FNDC3B: variants seen among roughly 807,000 people sequenced by gnomAD.
The protein encoded by FNDC3B is fibronectin type III domain containing 3B.
FNDC3B carries 12 observed loss-of-function variants against 151.5 expected under a neutral mutation model. The ratio of observed to expected loss-of-function variants is 0.08; its 90% CI spans 0.05 to 0.13. The LOEUF (loss-of-function observed/expected upper bound fraction) is 0.13. Among genes scored for constraint, FNDC3B ranks in the 10% least tolerant of loss-of-function variants. The pLI, the probability that FNDC3B is intolerant of heterozygous loss-of-function variation, is 1.00. For synonymous variants in FNDC3B, 528 were observed against 549.0 expected (o/e 0.96, Z 0.54); for missense variants, 1,214 against 1,505.3 (o/e 0.81, Z 3.20).
At chr3:172,191,073 G>A (rs960551525) in intron 3 of FNDC3B, among the ~76,000 whole-genome samples, 5 of 152,136 alleles carry the variant, frequency 3.3e-5, no homozygotes, top group African/African-American at 1.2e-4. Context: ...TATATAAATA[G>A]ATGAGACTGT....
At chr3:172,233,218 G>C (rs1273963774) in intron 4 of FNDC3B, among the ~76,000 whole-genome samples, 1 of 152,206 alleles carries the variant, frequency 6.6e-6, no homozygotes. Flanking sequence ...AAAAGCATAT[G>C]AAGAGAAAAA....
intron 2 of FNDC3B, among the ~76,000 whole-genome samples, chr3:172,121,005 A>G (rs1485328398): frequency 2.6e-5 from 4 of 152,052 alleles, no homozygotes; most frequent in African/African-American, 9.7e-5. Context: ...ATATGTTAAC[A>G]CTGGGCTGGT....
intron 25 of FNDC3B, among the ~76,000 whole-genome samples, chr3:172,393,366 A>T (rs1329131733): frequency 6.6e-6 from 1 of 152,232 alleles, no homozygotes; most frequent in African/African-American, 2.4e-5. Context: ...GAAACACCTA[A>T]ATACATAAAA....
rs1176999932 is a variant in FNDC3B at position 172,295,404 on chromosome 3, T to C, written c.891T>C (p.Ala297=). 3.7e-6 allele frequency: 6 copies of C among 1,614,088 alleles called. No homozygotes were observed. In the East Asian group the frequency reaches 1.3e-4, roughly 36 times the overall value. Residue 297 remains alanine (A), a synonymous_variant, in exon 8 of 26, where the codon GCT becomes GCC. Transcript: ENST00000415807. ...IQARAVVLSW[A]PPVGLSCGPH... is the part of the protein sequence containing the mutation. ...CAAGAGCAGTTGTGTTGTCCTGGGC[T>C]CCCCCTGTTGGACTTTCCTGTGGAC... is the stretch of plus-strand genomic sequence containing the variant.
intron 11 of FNDC3B, among the ~76,000 whole-genome samples, chr3:172,319,001 T>G (rs1017782079): frequency 1.4e-5 from 2 of 146,090 alleles, no homozygotes; most frequent in African/African-American, 5.1e-5. Context: ...GGGACCTCAG[T>G]CTCAGAGATC....
intron 9 of FNDC3B, among the ~76,000 whole-genome samples, chr3:172,304,149 C>T (rs1022351901): frequency 2.6e-5 from 4 of 152,254 alleles, no homozygotes; most frequent in East Asian, 1.9e-4. Context: ...CCATCACTTA[C>T]GACTCTCCAG....
At chr3:172,104,920 A>G (rs1719568587) in intron 1 of FNDC3B, among the ~76,000 whole-genome samples, 1 of 152,190 alleles carries the variant, frequency 6.6e-6, no homozygotes, top group Admixed American at 6.5e-5. Context: ...AGAAATGACA[A>G]CTATTTTCAG....
intron 17 of FNDC3B, among the ~76,000 whole-genome samples, chr3:172,341,556 A>G (rs1052741694): frequency 9.9e-5 from 15 of 152,232 alleles, no homozygotes; most frequent in Admixed American, 2.0e-4. Context: ...GGTTATTGCA[A>G]TGATTAAAAA....
intron 2 of FNDC3B, among the ~76,000 whole-genome samples, chr3:172,117,638 A>T (rs1229529377): frequency 6.6e-6 from 1 of 152,214 alleles, no homozygotes; most frequent in African/African-American, 2.4e-5. Context: ...TGTGACCTGC[A>T]TGAGAGTAGT....
chr3:172,207,894 C>T (rs1394142107), intron 3 of FNDC3B, among the ~76,000 whole-genome samples: 1 of 152,206 alleles, frequency 6.6e-6, no homozygotes, highest in Admixed American at 6.5e-5. Flanking sequence ...TTGCAGTGAA[C>T]CGAGATTGCA....
chr3:172,177,006 A>G (rs778949109), intron 3 of FNDC3B, among the ~76,000 whole-genome samples: 1 of 152,184 alleles, frequency 6.6e-6, no homozygotes, highest in Non-Finnish European at 1.5e-5. Context: ...CCCTAATAAG[A>G]TTCTTGGTGA....
chr3:172,349,333 G>A (rs1733750998), intron 21 of FNDC3B, among the ~76,000 whole-genome samples: 1 of 151,998 alleles, frequency 6.6e-6, no homozygotes, highest in Non-Finnish European at 1.5e-5. Context: ...GAAATGTGGT[G>A]GAACATTTCT....
chr3:172,077,544 G>A (rs1195200769), intron 1 of FNDC3B, among the ~76,000 whole-genome samples: 3 of 152,136 alleles, frequency 2.0e-5, no homozygotes, highest in Non-Finnish European at 4.4e-5. Context: ...AGCAGATGGC[G>A]ATTTATGTCG....
chr3:172,124,602 G>A (rs951070920), intron 2 of FNDC3B, among the ~76,000 whole-genome samples: 1 of 152,232 alleles, frequency 6.6e-6, no homozygotes, highest in Non-Finnish European at 1.5e-5. Flanking sequence ...AAAGGTCAGA[G>A]TTAGGACTTT....
chr3:172,050,041 C>T (rs1716563825), intron 1 of FNDC3B, among the ~76,000 whole-genome samples: 1 of 151,696 alleles, frequency 6.6e-6, no homozygotes, highest in African/African-American at 2.4e-5. Context: ...CTGAACTTGT[C>T]TCTGGCATCT....
At chr3:172,344,517 C>G (rs1445986883) in intron 19 of FNDC3B, among the ~76,000 whole-genome samples, 1 of 152,192 alleles carries the variant, frequency 6.6e-6, no homozygotes, top group African/African-American at 2.4e-5. Flanking sequence ...AAGGATATCA[C>G]CCTGTAGATA....
In FNDC3B at chr3:172,378,305, A is replaced by T; in HGVS notation, c.3044A>T (p.Tyr1015Phe). ...ATCTACAGAGGACCCAGCCACACCT[A>T]CAAGGTCCAGAGACTGACGGAATTC... ...ISIYRGPSHT[Y>F]KVQRLTEFTC... is the part of the protein sequence containing the mutation. The change falls in exon 24 of 26, where the codon TAC (tyrosine) becomes TTC (phenylalanine). Residue 1015 changes from tyrosine (Y) to phenylalanine (F), a missense_variant. This residue lies in a region of FNDC3B where 284 missense variants were observed against 392.4 expected (regional missense o/e 0.72). Coordinates refer to ENST00000415807, the MANE Select transcript of FNDC3B (RefSeq NM_022763.4). 6.2e-7 allele frequency: 1 copy of T among 1,612,200 alleles called. No individual in the cohort carries two copies. Among genetic ancestry groups the T allele is most frequent in the Non-Finnish European group, 8.5e-7 (1 of 1,179,438 alleles).
At position 172,040,062 on chromosome 3, in the gene FNDC3B, G is replaced by T. The variant is rs1210290913; in HGVS notation, c.-29+291G>T. The stretch of plus-strand genomic sequence containing the variant: ...CAGGGTTTGGAGGAGTGAAAGAAAC[G>T]GGTAGATTCCTCTTAAAAAAAATTG... On this transcript the variant is annotated intron_variant, in intron 1 of 25. Transcript: ENST00000415807. The surrounding 1 kb of genome is among the most constrained non-coding windows in gnomAD (Gnocchi z 6.6). 6.6e-6 allele frequency among the ~76,000 whole-genome samples: 1 copy of T among 152,134 alleles called. No individual in the cohort carries two copies. The highest frequency in any genetic ancestry group is 6.5e-5 in the Admixed American group (1 of 15,288).
At chr3:172,156,077 G>C (rs73880113) in intron 3 of FNDC3B, among the ~76,000 whole-genome samples, 20,968 of 151,996 alleles carry the variant, frequency 0.14, 1,752 homozygotes, top group East Asian at 0.35. Flanking sequence ...CCATGTCAGT[G>C]GGGGGTGATC....
Sources: gnomAD v4.1 joint callset for allele counts (sites outside exome capture counted in the v4.1 genomes callset) on GRCh38, gnomAD v4.1.1 for gene constraint, gnomAD v4.1.1 regional missense constraint, Gnocchi (gnomAD v3.1) non-coding constraint, MANE v1.5 for transcripts, NCBI Gene and HGNC (gene_info 2026-07-23, HGNC 2026-07-21) for gene names.